Variants in NAV3 observed in about 807,000 individuals in gnomAD.
The protein encoded by NAV3 is pore membrane and/or filament interacting like protein 1.
In NAV3, 87 loss-of-function variants were observed where a neutral mutation model predicts 244.7. The ratio of observed to expected loss-of-function variants is 0.36; its 90% CI spans 0.30 to 0.42. The LOEUF is 0.42. Ranked by LOEUF, NAV3 falls within the 20% of genes least tolerant of loss-of-function variation. NAV3 has a pLI of 1.00. For synonymous variants in NAV3, 1,126 were observed against 1,042.2 expected (o/e 1.08, Z -1.55); for missense variants, 2,663 against 2,893.3 (o/e 0.92, Z 1.83).
In NAV3 at chr12:77,966,302, G is replaced by A. The variant is rs1892507765; in HGVS notation, c.487+1G>A. 1 of 1,609,224 alleles carries A rather than the reference G, an allele frequency of 6.2e-7. No homozygotes were observed. The highest frequency in any genetic ancestry group is 1.3e-5 in the African/African-American group (1 of 74,710). On this transcript the variant is annotated splice_donor_variant, in intron 4 of 39. Coordinates refer to ENST00000397909, the MANE Select transcript of NAV3 (RefSeq NM_001024383.2). LOFTEE classifies it high-confidence loss of function. Reference sequence around the variant, plus strand: ...AATGTTCAAGGTCTATCTGCTGAAGGTAAGAAAAAGAATGACTGAATTGTC... The same window carrying A: ...AATGTTCAAGGTCTATCTGCTGAAGATAAGAAAAAGAATGACTGAATTGTC...
chr12:78,065,826 GCT>G (rs1261375131), intron 12 of NAV3, among the ~76,000 whole-genome samples: 3 of 152,104 alleles, frequency 2.0e-5, no homozygotes, highest in East Asian at 1.9e-4. Flanking sequence ...TTGCTGATTT[GCT>G]CTGTTTTGTT....
At chr12:78,134,687 G>A (rs148612520) in intron 18 of NAV3, among the ~76,000 whole-genome samples, 25 of 152,206 alleles carry the variant, frequency 1.6e-4, no homozygotes, top group Admixed American at 1.4e-3. Context: ...AGGAGTTACA[G>A]GCTACAGTGA....
At chr12:77,987,938 T>C (rs1870808598) in intron 5 of NAV3, among the ~76,000 whole-genome samples, 1 of 152,136 alleles carries the variant, frequency 6.6e-6, no homozygotes, top group African/African-American at 2.4e-5. Context: ...TGAACCTGTA[T>C]TTGGGAAGCA....
At chr12:77,685,270 G>A (rs918950774) in intron 2 of NAV3, among the ~76,000 whole-genome samples, 6 of 152,236 alleles carry the variant, frequency 3.9e-5, no homozygotes, top group Middle Eastern at 3.4e-3. Flanking sequence ...AACATGCCAC[G>A]AAATTTGCTA....
intron 2 of NAV3, among the ~76,000 whole-genome samples, chr12:77,795,209 T>C (rs1287243666): frequency 6.6e-6 from 1 of 152,150 alleles, no homozygotes; most frequent in African/African-American, 2.4e-5. Context: ...AACTGCCTTA[T>C]TACTGATTTG....
intron 15 of NAV3, among the ~76,000 whole-genome samples, chr12:78,121,519 T>TAA (rs74206814): frequency 6.7e-6 from 1 of 149,022 alleles, no homozygotes; most frequent in Non-Finnish European, 1.5e-5. Context: ...AATTTAAAAA[T>TAA]AAAAAAAAAA....
chr12:78,113,445 C>T (rs983709695), intron 12 of NAV3, among the ~76,000 whole-genome samples: 1 of 152,234 alleles, frequency 6.6e-6, no homozygotes, highest in Non-Finnish European at 1.5e-5. Flanking sequence ...GGAATCTAGG[C>T]GGAGGTTTCC....
At chr12:77,812,490 C>T (rs1289232751) in intron 2 of NAV3, among the ~76,000 whole-genome samples, 1 of 151,602 alleles carries the variant, frequency 6.6e-6, no homozygotes, top group Non-Finnish European at 1.5e-5. Context: ...TCGGGGCTCA[C>T]TGCAGCCTCC....
At chr12:78,051,745 T>A (rs1250032966) in intron 11 of NAV3, among the ~76,000 whole-genome samples, 2 of 152,162 alleles carry the variant, frequency 1.3e-5, no homozygotes, top group East Asian at 1.9e-4. Flanking sequence ...TATTAACAAT[T>A]TGGGATATTT....
intron 1 of NAV3, among the ~76,000 whole-genome samples, chr12:77,905,776 C>A (rs1391054074): frequency 6.6e-6 from 1 of 152,038 alleles, no homozygotes; most frequent in African/African-American, 2.4e-5. Context: ...TATGGCTGAC[C>A]AGACCCATAA....
chr12:77,751,708 G>T (rs147236281), intron 2 of NAV3, among the ~76,000 whole-genome samples: 13 of 152,094 alleles, frequency 8.5e-5, no homozygotes, highest in Non-Finnish European at 1.5e-5. Flanking sequence ...CATGAGAATG[G>T]ACTAATACAT....
At chr12:78,205,537 G>A (rs1960209351) in intron 39 of NAV3, among the ~76,000 whole-genome samples, 2 of 151,848 alleles carry the variant, frequency 1.3e-5, no homozygotes, top group Admixed American at 1.3e-4. Context: ...AAAATATTTT[G>A]CCTATATCAA....
intron 12 of NAV3, among the ~76,000 whole-genome samples, chr12:78,066,230 C>T (rs968581679): frequency 2.0e-5 from 3 of 152,002 alleles, no homozygotes; most frequent in Non-Finnish European, 4.4e-5. Flanking sequence ...GAAAACATTA[C>T]CTTGAAGTCC....
chr12:78,120,927 A>T (rs938006047), intron 15 of NAV3, among the ~76,000 whole-genome samples: 1 of 152,232 alleles, frequency 6.6e-6, no homozygotes, highest in Non-Finnish European at 1.5e-5. Context: ...GAAAAACCTA[A>T]AGGCTTTATT....
intron 31 of NAV3, among the ~76,000 whole-genome samples, chr12:78,187,810 A>G (rs1333734180): frequency 2.0e-5 from 3 of 151,934 alleles, no homozygotes; most frequent in Non-Finnish European, 4.4e-5. Context: ...TAAGATCACA[A>G]AATAGTAAGA....
chr12:77,703,595 C>G (rs1244886117), intron 2 of NAV3, among the ~76,000 whole-genome samples: 1 of 152,084 alleles, frequency 6.6e-6, no homozygotes, highest in East Asian at 1.9e-4. Flanking sequence ...TAAGAAACTG[C>G]CTAAATTTTA....
chr12:78,168,702 G>C, intron 23 of NAV3, 53 bp from the exon 24 acceptor site: 1 of 1,175,122 alleles, frequency 8.5e-7, no homozygotes, highest in Non-Finnish European at 1.2e-6. Context: ...TGAGCAGGGA[G>C]ATTTTATTTT....
rs1184055184 is a variant in NAV3, at chr12:78,200,630, A to C, written c.6834+39A>C. ...TTTTCATTGCTATTTTTTTTTAAAAAAAAAAAGCAAAAAAAATTACTTTAA... is the reference window on the plus strand; with the variant it reads ...TTTTCATTGCTATTTTTTTTTAAAACAAAAAAGCAAAAAAAATTACTTTAA... On this transcript the variant is annotated intron_variant, in intron 38 of 39. Coordinates refer to ENST00000397909, the MANE Select transcript of NAV3 (RefSeq NM_001024383.2). 2.0e-5 allele frequency: 25 copies of C among 1,249,278 alleles called. 1 individual carries two copies. The highest frequency in any genetic ancestry group is 2.7e-5 in the Non-Finnish European group (25 of 913,012). 77.4% of individuals were successfully genotyped at this position (1,249,278 alleles called of 1,614,324 possible).
At chr12:78,156,746 T>C (rs937446835) in intron 22 of NAV3, among the ~76,000 whole-genome samples, 1 of 152,152 alleles carries the variant, frequency 6.6e-6, no homozygotes, top group African/African-American at 2.4e-5. Context: ...ACAATTTTAG[T>C]TTTAGGTTTT....
Sources: allele counts gnomAD v4.1 joint callset (sites outside exome capture counted in the v4.1 genomes callset), GRCh38; gene constraint gnomAD v4.1.1; transcripts MANE v1.5; gene names NCBI Gene and HGNC (gene_info 2026-07-23, HGNC 2026-07-21).